Variants in ITPKB observed in about 807,000 individuals in gnomAD.
ITPKB encodes the protein IP3 3-kinase B.
In ITPKB, 13 loss-of-function variants were observed where a neutral mutation model predicts 69.4. That is an observed-to-expected ratio of 0.19 (90% CI 0.12 to 0.30). The LOEUF is 0.30. ITPKB is among the 10% of genes least tolerant of loss of function. ITPKB has a pLI of 1.00. For missense variants in ITPKB, 1,240 were observed against 1,250.5 expected (o/e 0.99, Z 0.13); for synonymous variants, 584 against 513.7 (o/e 1.14, Z -1.85).
At chr1:226,666,858 A>T (rs952625253) in intron 2 of ITPKB, among the ~76,000 whole-genome samples, 4 of 152,066 alleles carry the variant, frequency 2.6e-5, no homozygotes, top group African/African-American at 9.7e-5. Flanking sequence ...CAGGACAAAG[A>T]CCACAGACCA....
At chr1:226,723,632 C>T (rs1415774713) in intron 2 of ITPKB, among the ~76,000 whole-genome samples, 13 of 151,956 alleles carry the variant, frequency 8.6e-5, no homozygotes, top group Admixed American at 7.9e-4. Flanking sequence ...TTATGAGCTA[C>T]AGTGACTCTA....
intron 2 of ITPKB, among the ~76,000 whole-genome samples, chr1:226,691,221 T>C (rs1478644952): frequency 6.6e-6 from 1 of 151,948 alleles, no homozygotes; most frequent in African/African-American, 2.4e-5. Context: ...TTATGTTATG[T>C]ACACTTTGCC....
intron 2 of ITPKB, chr1:226,668,853 C>G (rs957398729): frequency 6.6e-6 from 1 of 152,170 alleles, no homozygotes; most frequent in African/African-American, 2.4e-5. Context: ...ACAGAAGACT[C>G]AAAACCAGAA....
chr1:226,640,043 G>A (rs1668926454), intron 5 of ITPKB, among the ~76,000 whole-genome samples: 1 of 152,160 alleles, frequency 6.6e-6, no homozygotes, highest in Non-Finnish European at 1.5e-5. Flanking sequence ...CCCGGGCCCT[G>A]GAACCGGTGC....
Position 226,647,309 on chromosome 1 carries a change from G to A in ITPKB, c.2104C>T (p.Arg702Trp), listed in dbSNP as rs201575747. ...GGCCTCAGCACATCCACCATCAGCCGGTCCAGGCAGCGCTGCTCTGACTCA... is the reference window on the plus strand; with the variant it reads ...GGCCTCAGCACATCCACCATCAGCCAGTCCAGGCAGCGCTGCTCTGACTCA... ...HCESEQRCLDRLMVDVLRPFV... is the reference protein window; with the variant it reads ...HCESEQRCLDWLMVDVLRPFV... Residue 702 changes from arginine to tryptophan, a missense_variant, in exon 4 of 8, where the codon CGG becomes TGG. Coordinates refer to ENST00000429204, the MANE Select transcript of ITPKB (RefSeq NM_002221.4). 82 of 1,614,166 alleles carry A rather than the reference G, an allele frequency of 5.1e-5. No individual in the cohort carries two copies. Among genetic ancestry groups the A allele is most frequent in the South Asian group, 4.7e-4 (43 of 91,084 alleles).
At chr1:226,706,161 A>G (rs1037002906) in intron 2 of ITPKB, among the ~76,000 whole-genome samples, 1 of 152,248 alleles carries the variant, frequency 6.6e-6, no homozygotes, top group African/African-American at 2.4e-5. Context: ...TAAGAGTTCA[A>G]TTGTTTAAAT....
intron 2 of ITPKB, among the ~76,000 whole-genome samples, chr1:226,661,094 T>G (rs926590259): frequency 2.6e-5 from 4 of 152,246 alleles, no homozygotes; most frequent in African/African-American, 9.6e-5. Flanking sequence ...GAGTCCATCT[T>G]GGGCCGCTCT....
chr1:226,715,954 G>C (rs1440960343), intron 2 of ITPKB, among the ~76,000 whole-genome samples: 1 of 152,176 alleles, frequency 6.6e-6, no homozygotes, highest in Non-Finnish European at 1.5e-5. Flanking sequence ...AGGACTACAG[G>C]TGCCCGTCAT....
rs79085732 is a variant in ITPKB at position 226,636,383 on chromosome 1, C to T, written c.2625+1296G>A. Among the ~76,000 whole-genome samples, 1,240 of 152,366 alleles carry T rather than the reference C, an allele frequency of 8.1e-3. 14 individuals are homozygous for T. Among genetic ancestry groups the T allele is most frequent in the African/African-American group, 0.028 (1,175 of 41,598 alleles). On this transcript the variant is annotated intron_variant, in intron 7 of 7. Transcript: ENST00000429204. ...AGGGGCACAGCAAAGCCTGAGTCTC[C>T]TCTCTGGGTGTGCCACCCCCTCCTC... is the stretch of plus-strand genomic sequence containing the variant.
intron 2 of ITPKB, 120 bp from the exon 3 acceptor site, chr1:226,648,891 G>T: frequency 1.4e-6 from 1 of 716,554 alleles, no homozygotes; most frequent in Non-Finnish European, 2.5e-6. Flanking sequence ...GGCCCTTGAC[G>T]GGCTCTGAGG....
rs528224612 is a variant in ITPKB at position 226,736,056 on chromosome 1, G to A, written c.1403C>T (p.Ala468Val). 6 of 1,613,218 alleles carry A rather than the reference G, an allele frequency of 3.7e-6. No homozygotes were observed. The highest frequency in any genetic ancestry group is 3.3e-5 in the South Asian group (3 of 91,078). ...SAQPGTGNVE[A>V]GIPSGRMLEP... ...CAGCATTCTGCCAGAAGGAATTCCCGCCTCCACATTCCCGGTCCCCGGCTG... is the reference window on the plus strand; with the variant it reads ...CAGCATTCTGCCAGAAGGAATTCCCACCTCCACATTCCCGGTCCCCGGCTG... Residue 468 changes from alanine to valine, a missense_variant, in exon 2 of 8, where the codon GCG (alanine) becomes GTG (valine). Transcript: ENST00000429204.
intron 2 of ITPKB, among the ~76,000 whole-genome samples, chr1:226,690,300 C>A (rs1423069448): frequency 6.6e-6 from 1 of 152,176 alleles, no homozygotes; most frequent in Non-Finnish European, 1.5e-5. Context: ...AGGCACCGGG[C>A]AACAGCTTTT....
Position 226,642,991 on chromosome 1 carries a change from G to A in ITPKB, c.2247-866C>T, listed in dbSNP as rs540233553. Among the ~76,000 whole-genome samples, 1 of 152,308 alleles carries A rather than the reference G, an allele frequency of 6.6e-6. No homozygotes were observed. The highest frequency in any genetic ancestry group is 2.1e-4 in the South Asian group (1 of 4,824). On this transcript the variant is annotated intron_variant, in intron 4 of 7. Transcript: ENST00000429204. The surrounding 1 kb of genome is among the most constrained non-coding windows in gnomAD (Gnocchi z 6.4). ...GGGGGAAAGGCAGGGGGCTCCCTCAGCCTCTGCTCATCCCAGAGACATGCC... is the reference window on the plus strand; with the variant it reads ...GGGGGAAAGGCAGGGGGCTCCCTCAACCTCTGCTCATCCCAGAGACATGCC...
intron 2 of ITPKB, among the ~76,000 whole-genome samples, chr1:226,678,509 G>A (rs1290576783): frequency 1.3e-5 from 2 of 152,236 alleles, no homozygotes; most frequent in Non-Finnish European, 1.5e-5. Context: ...GAGCCAGGCT[G>A]AGTGTGAATT....
intron 2 of ITPKB, among the ~76,000 whole-genome samples, chr1:226,685,607 C>G (rs1477892086): frequency 6.6e-6 from 1 of 152,198 alleles, no homozygotes; most frequent in Non-Finnish European, 1.5e-5. Flanking sequence ...CCTGCCCTCA[C>G]AGGCCTCCCT....
Position 226,642,582 on chromosome 1 carries a change from G to A in ITPKB, c.2247-457C>T, listed in dbSNP as rs1668983840. ...CAAAGCCCAAGGAGCTCCTCCTCGG[G>A]AGACCCCCACAGGAACCAGCAGAAG... On this transcript the variant is annotated intron_variant, in intron 4 of 7. Transcript: ENST00000429204. The surrounding 1 kb of genome is among the most constrained non-coding windows in gnomAD (Gnocchi z 6.4). Among the ~76,000 whole-genome samples, 1 of 152,006 alleles carries A rather than the reference G, an allele frequency of 6.6e-6. No homozygotes were observed. The highest frequency in any genetic ancestry group is 2.1e-4 in the South Asian group (1 of 4,812).
chr1:226,712,931 C>A (rs1377700684), intron 2 of ITPKB, among the ~76,000 whole-genome samples: 1 of 152,084 alleles, frequency 6.6e-6, no homozygotes, highest in Non-Finnish European at 1.5e-5. Flanking sequence ...CACACAACTT[C>A]CATCGCACCC....
intron 2 of ITPKB, among the ~76,000 whole-genome samples, chr1:226,681,042 C>A (rs1006725871): frequency 1.3e-5 from 2 of 152,154 alleles, no homozygotes; most frequent in Non-Finnish European, 2.9e-5. Flanking sequence ...AACTCCCCTC[C>A]CCTCACCTGG....
At chr1:226,686,770 G>T (rs910746151) in intron 2 of ITPKB, among the ~76,000 whole-genome samples, 6 of 152,272 alleles carry the variant, frequency 3.9e-5, no homozygotes, top group African/African-American at 1.4e-4. Context: ...AAGGGTTTAG[G>T]TGTGTGTCCG....
Sources: gnomAD v4.1 joint callset for allele counts (sites outside exome capture counted in the v4.1 genomes callset) on GRCh38, gnomAD v4.1.1 for gene constraint, Gnocchi (gnomAD v3.1) non-coding constraint, MANE v1.5 for transcripts, NCBI Gene and HGNC (gene_info 2026-07-23, HGNC 2026-07-21) for gene names.